Variants in PCDHGA1 observed in about 807,000 individuals in gnomAD.
The protein encoded by PCDHGA1 is protocadherin gamma subfamily A, 1, also known as protocadherin gamma-A1.
In PCDHGA1, 32 loss-of-function variants were observed where a neutral mutation model predicts 58.0. The observed-to-expected ratio is 0.55, with a 90% CI of 0.42 to 0.74. PCDHGA1 has a LOEUF of 0.74. Among genes scored for constraint, PCDHGA1 ranks in the 30% least tolerant of loss-of-function variants. PCDHGA1 has a pLI of 0.00. For missense variants in PCDHGA1, 1,205 were observed against 1,182.3 expected (o/e 1.02, Z -0.28); for synonymous variants, 498 against 501.1 (o/e 0.99, Z 0.08).
intron 1 of PCDHGA1, chr5:141,352,377 C>T: frequency 6.2e-7 from 1 of 1,614,038 alleles, no homozygotes; most frequent in Non-Finnish European, 8.5e-7. Context: ...GTGATTCTAG[C>T]GATCGCCCTG....
chr5:141,501,964 A>G (rs1374872785), intron 2 of PCDHGA1, among the ~76,000 whole-genome samples: 1 of 151,854 alleles, frequency 6.6e-6, no homozygotes, highest in East Asian at 1.9e-4. Flanking sequence ...TCATCCTCCT[A>G]ACCTCTGGCA....
At chr5:141,387,666 A>C (rs1286333740) in intron 1 of PCDHGA1, 1 of 683,200 alleles carries the variant, frequency 1.5e-6, no homozygotes, top group African/African-American at 1.8e-5. Flanking sequence ...TTGGCGCTCC[A>C]GATCTCCTCG....
chr5:141,332,996 C>T lies in PCDHGA1; in HGVS notation c.2312C>T (p.Pro771Leu), dbSNP rs753148122. 1.2e-6 allele frequency: 2 copies of T among 1,614,190 alleles called. No homozygotes were observed. Among genetic ancestry groups the T allele is most frequent in the Middle Eastern group, 1.6e-4 (1 of 6,062 alleles). Residue 771 changes from proline to leucine, a missense_variant, in exon 1 of 4, where the codon CCC (proline) becomes CTC (leucine). Transcript: ENST00000517417. The surrounding 1 kb of genome is among the most constrained non-coding windows in gnomAD (Gnocchi z 4.6). ...ADSRKSHLIFPQPNYADTLIS... is the reference protein window; with the variant it reads ...ADSRKSHLIFLQPNYADTLIS... The stretch of plus-strand genomic sequence containing the variant: ...TCGCGGAAGAGCCACCTGATTTTCC[C>T]CCAGCCCAACTATGCGGACACACTC...
intron 1 of PCDHGA1, chr5:141,384,406 TC>T: frequency 6.2e-7 from 1 of 1,613,908 alleles, no homozygotes; most frequent in Non-Finnish European, 8.5e-7. Flanking sequence ...TCCAGTGTCC[TC>T]CTATGTCTCC....
At chr5:141,398,174 T>C (rs763077513) in intron 1 of PCDHGA1, 16 of 1,476,290 alleles carry the variant, frequency 1.1e-5, no homozygotes, top group African/African-American at 1.4e-5. Flanking sequence ...AGGCTGCCAG[T>C]GCTCTTTCTC....
At chr5:141,333,212 T>G (rs948870479) in intron 1 of PCDHGA1, 107 bp downstream of exon 1, 27 of 1,503,334 alleles carry the variant, frequency 1.8e-5, no homozygotes, top group Non-Finnish European at 2.3e-5. Context: ...CCCATGTATC[T>G]TTGTAGCTTT....
chr5:141,339,503 T>C, intron 1 of PCDHGA1: 1 of 1,614,152 alleles, frequency 6.2e-7, no homozygotes, highest in Non-Finnish European at 8.5e-7. Flanking sequence ...AAATGACCAC[T>C]TCTCCCTGGA....
At position 141,486,383 on chromosome 5, in the gene PCDHGA1, C is replaced by A. The variant is rs757384186; in HGVS notation, c.2422-8424C>A. On this transcript the variant is annotated intron_variant, in intron 1 of 3. Transcript: ENST00000517417. The surrounding 1 kb of genome is among the most constrained non-coding windows in gnomAD (Gnocchi z 5.0). ...TGCCCTCAAGTCTGCCTTCAGGAAC[C>A]AGTTCTCCCTGGTGACTGCTGGACC... The A allele has an allele frequency of 6.2e-7, 1 of 1,614,040 alleles. No homozygotes were observed. Among genetic ancestry groups the A allele is most frequent in the East Asian group, 2.2e-5 (1 of 44,884 alleles).
chr5:141,375,938 G>A (rs1772064836), intron 1 of PCDHGA1: 1 of 1,613,558 alleles, frequency 6.2e-7, no homozygotes, highest in African/African-American at 1.3e-5. Flanking sequence ...ACTTTTCTCA[G>A]TGGGCCTGCA....
Position 141,476,944 on chromosome 5 carries a change from C to A in PCDHGA1, c.2422-17863C>A. The A allele has an allele frequency of 1.9e-6, 3 of 1,614,188 alleles. No individual in the cohort carries two copies. The highest frequency in any genetic ancestry group is 2.5e-6 in the Non-Finnish European group (3 of 1,180,044). ...CAACGGATCTGGATGAAGGCCCCAA[C>A]GGTGAAATTATTTACTCCTTCGGCA... On this transcript the variant is annotated intron_variant, in intron 1 of 3. Transcript: ENST00000517417. This position sits in a 1 kb window ranked among gnomAD's most constrained non-coding sequence, Gnocchi z 7.6.
At position 141,410,538 on chromosome 5, in the gene PCDHGA1, T is replaced by C. The variant is rs373020361; in HGVS notation, c.2421+77433T>C. The C allele has an allele frequency of 5.6e-6, 9 of 1,613,830 alleles. No homozygotes were observed. The South Asian group carries it at 7.7e-5, about 14-fold the overall frequency. On this transcript the variant is annotated intron_variant, in intron 1 of 3. Transcript: ENST00000517417. ...GTGCCCCTACATTCCAATGAAGACA[T>C]GGTTTGCAGTGTTTCTCCTGGAGCC...
intron 2 of PCDHGA1, among the ~76,000 whole-genome samples, chr5:141,500,501 G>A (rs571735791): frequency 1.3e-5 from 2 of 152,058 alleles, no homozygotes; most frequent in Non-Finnish European, 2.9e-5. Context: ...GAGCCACCGC[G>A]CCTGGCCGAG....
chr5:141,399,528 C>T (rs749580875), intron 1 of PCDHGA1: 10 of 1,613,928 alleles, frequency 6.2e-6, no homozygotes, highest in Non-Finnish European at 7.6e-6. Context: ...GGGCCTCCAT[C>T]GCGCAAGTCT....
rs530194567 is a variant in PCDHGA1, at chr5:141,417,884, C to G, written c.2422-76923C>G. On this transcript the variant is annotated intron_variant, in intron 1 of 3. Transcript: ENST00000517417. ...GATGGGAGGGAGCTGCGCGCAGAGG[C>G]GCCGGGCCGGCCCGCGGCAGGTACT... 2.1e-4 allele frequency: 327 copies of G among 1,561,600 alleles called. No individual in the cohort carries two copies. In the South Asian group the frequency reaches 3.4e-3, roughly 16 times the overall value.
chr5:141,433,208 CTTTT>C (rs745329085), intron 1 of PCDHGA1: 3 of 1,293,778 alleles, frequency 2.3e-6, no homozygotes, highest in African/African-American at 1.5e-5. Flanking sequence ...AATCTTCTTT[CTTTT>C]TTTTTTTTAA....
intron 1 of PCDHGA1, chr5:141,366,212 A>C: frequency 6.2e-7 from 1 of 1,613,804 alleles, no homozygotes; most frequent in African/African-American, 1.3e-5. Context: ...CGAGGTGCGC[A>C]CAGCGCGAGC....
rs202220616 is a variant in PCDHGA1, at chr5:141,389,200, A to G, written c.2421+56095A>G. On this transcript the variant is annotated intron_variant, in intron 1 of 3. Coordinates refer to ENST00000517417, the MANE Select transcript of PCDHGA1 (RefSeq NM_018912.3). ...TCCTCCAGTTCCAGCATCACCCTGC[A>G]CATTGGTGATGTAAATGACAACGCT... is the stretch of plus-strand genomic sequence containing the variant. 1,731 of 1,614,032 alleles carry G rather than the reference A, an allele frequency of 1.1e-3. 2 individuals carry two copies. Among genetic ancestry groups the G allele is most frequent in the Non-Finnish European group, 1.4e-3 (1,628 of 1,179,874 alleles).
intron 1 of PCDHGA1, chr5:141,419,861 T>G (rs749551833): frequency 6.2e-7 from 1 of 1,614,098 alleles, no homozygotes; most frequent in Non-Finnish European, 8.5e-7. Context: ...CGCAGATAGC[T>G]TGCAAGAGGT....
At chr5:141,359,582 T>C (rs936451476) in intron 1 of PCDHGA1, among the ~76,000 whole-genome samples, 2 of 151,660 alleles carry the variant, frequency 1.3e-5, no homozygotes, top group African/African-American at 2.4e-5. Flanking sequence ...CTTTAAGATA[T>C]AACAACTAAA....
Sources: gnomAD v4.1 joint callset for allele counts (sites outside exome capture counted in the v4.1 genomes callset) on GRCh38, gnomAD v4.1.1 for gene constraint, Gnocchi (gnomAD v3.1) non-coding constraint, MANE v1.5 for transcripts, NCBI Gene and HGNC (gene_info 2026-07-23, HGNC 2026-07-21) for gene names.